The following ACADSB variants were observed in gnomAD, a reference collection of about 807,000 sequenced individuals.
ACADSB encodes the protein acyl-CoA dehydrogenase short/branched chain, also known as short/branched chain specific acyl-CoA dehydrogenase, mitochondrial.
Under a neutral mutation model 54.1 loss-of-function variants are expected in ACADSB, and 40 were observed. That is an observed-to-expected ratio of 0.74 (90% CI 0.57 to 0.96). The LOEUF (loss-of-function observed/expected upper bound fraction) is 0.96, where lower values mean the gene tolerates loss of function less well. Ranked by LOEUF, ACADSB falls within the 40% of genes least tolerant of loss-of-function variation. ACADSB has a pLI of 0.00. For missense variants in ACADSB, 530 were observed against 510.4 expected (o/e 1.04, Z -0.37); for synonymous variants, 182 against 182.8 (o/e 1.00, Z 0.03).
chr10:123,055,334 T>C lies in ACADSB; in HGVS notation c.*1569T>C, dbSNP rs529298981. 20 of 169,268 alleles carry C rather than the reference T, an allele frequency of 1.2e-4. No homozygotes were observed. The South Asian group carries it at 3.3e-3, about 28-fold the overall frequency. 10.5% of individuals were successfully genotyped at this position (169,268 alleles called of 1,614,324 possible). A position where few individuals can be genotyped will look rare whatever the true frequency, so the allele number is the denominator to read the frequency against. On this transcript the variant is annotated 3_prime_UTR_variant, in exon 11 of 11. Transcript: ENST00000358776. ...AAACCCCTAATAAACCTATCAGATCTTGTGAGACTTACTATCACGAGAATA... is the reference window on the plus strand; with the variant it reads ...AAACCCCTAATAAACCTATCAGATCCTGTGAGACTTACTATCACGAGAATA...
intron 6 of ACADSB, among the ~76,000 whole-genome samples, chr10:123,043,613 A>C (rs999950246): frequency 6.6e-6 from 1 of 152,172 alleles, no homozygotes; most frequent in Non-Finnish European, 1.5e-5. Context: ...CTGATGCTGG[A>C]GAACTCCCTG....
chr10:123,044,327 A>G (rs763424944), intron 6 of ACADSB, 66 bp from the exon 7 acceptor site: 124 of 1,399,504 alleles, frequency 8.9e-5, no homozygotes, highest in Non-Finnish European at 1.2e-4. Context: ...GTGTACTTAC[A>G]AATATATAAT....
chr10:123,044,301 C>A, intron 6 of ACADSB, 92 bp from the exon 7 acceptor site: 3 of 1,127,018 alleles, frequency 2.7e-6, no homozygotes, highest in African/African-American at 1.5e-5. Flanking sequence ...GGCTAGCACA[C>A]GAATTGAGAG....
At chr10:123,015,400 A>G (rs565061181) in intron 1 of ACADSB, among the ~76,000 whole-genome samples, 2 of 152,122 alleles carry the variant, frequency 1.3e-5, no homozygotes, top group South Asian at 4.2e-4. Context: ...GAAGGCCCAC[A>G]TTATCTTGAC....
chr10:123,052,998 A>G lies in ACADSB; in HGVS notation c.1129-63A>G, dbSNP rs1850652284. Reference sequence around the variant, plus strand: ...ATCCATGTTGCTGAAAATGTTACCCAGAAGTGTTTATCATGTATAAGTTAT... The same window carrying G: ...ATCCATGTTGCTGAAAATGTTACCCGGAAGTGTTTATCATGTATAAGTTAT... On this transcript the variant is annotated intron_variant, in intron 9 of 10. Coordinates refer to ENST00000358776, the MANE Select transcript of ACADSB (RefSeq NM_001609.4). The surrounding 1 kb of genome is among the most constrained non-coding windows in gnomAD (Gnocchi z 4.2). 8 of 1,304,684 alleles carry G rather than the reference A, an allele frequency of 6.1e-6. No homozygotes were observed. Among genetic ancestry groups the G allele is most frequent in the Non-Finnish European group, 6.7e-6 (6 of 899,256 alleles). 80.8% of individuals were successfully genotyped at this position (1,304,684 alleles called of 1,614,324 possible).
chr10:123,051,700 G>A (rs528400061), intron 9 of ACADSB, among the ~76,000 whole-genome samples: 1 of 152,282 alleles, frequency 6.6e-6, no homozygotes, highest in African/African-American at 2.4e-5. Context: ...ATTAGACTGA[G>A]GCTAGAGAAT....
At chr10:123,041,071 T>C (rs1404238093) in intron 4 of ACADSB, 138 bp from the exon 5 acceptor site, 1 of 963,672 alleles carries the variant, frequency 1.0e-6, no homozygotes, top group African/African-American at 1.7e-5. Flanking sequence ...CAGAATACCA[T>C]TGCTATTTTC....
Position 123,017,258 on chromosome 10 carries a change from A to G in ACADSB, c.42+8187A>G, listed in dbSNP as rs547610345. On this transcript the variant is annotated intron_variant, in intron 1 of 10. Coordinates refer to ENST00000358776, the MANE Select transcript of ACADSB (RefSeq NM_001609.4). Reference sequence around the variant, plus strand: ...TTTGTCCACTGGTAATTTGGGAAAGAGAAATTGTTGACTTGGCTAAGGTCA... The same window carrying G: ...TTTGTCCACTGGTAATTTGGGAAAGGGAAATTGTTGACTTGGCTAAGGTCA... Among the ~76,000 whole-genome samples, 30 of 152,342 alleles carry G rather than the reference A, an allele frequency of 2.0e-4. No individual in the cohort carries two copies. In the South Asian group the frequency reaches 5.6e-3, roughly 28 times the overall value.
intron 1 of ACADSB, chr10:123,027,507 T>G (rs761185193): frequency 1.3e-5 from 6 of 455,382 alleles, no homozygotes; most frequent in South Asian, 9.3e-5. Context: ...CCACTTTTGC[T>G]TCTTTCTCAT....
chr10:123,053,180 T>C lies in ACADSB; in HGVS notation c.1228+20T>C. The C allele has an allele frequency of 6.4e-7, 1 of 1,550,482 alleles. No homozygotes were observed. The highest frequency in any genetic ancestry group is 8.9e-7 in the Non-Finnish European group (1 of 1,126,268). ...AGATTGGTAAATAGATTTTTTTTTT[T>C]TACATTTTATTTTGTTTTATTTGCC... On this transcript the variant is annotated intron_variant, in intron 10 of 10. Transcript: ENST00000358776.
Position 123,009,013 on chromosome 10 carries a change from A to G in ACADSB, c.-17A>G. The stretch of plus-strand genomic sequence containing the variant: ...CTAGAGACCCAGAGGCGCAGAGCGG[A>G]GAGGCCTGCGGCGAGGATGGAGGGC... On this transcript the variant is annotated 5_prime_UTR_variant, in exon 1 of 11. Coordinates refer to ENST00000358776, the MANE Select transcript of ACADSB (RefSeq NM_001609.4). 6.5e-7 allele frequency: 1 copy of G among 1,547,768 alleles called. No individual in the cohort carries two copies. Among genetic ancestry groups the G allele is most frequent in the Non-Finnish European group, 8.7e-7 (1 of 1,146,810 alleles).
At chr10:123,050,193 G>A (rs1427618427) in intron 8 of ACADSB, among the ~76,000 whole-genome samples, 1 of 152,200 alleles carries the variant, frequency 6.6e-6, no homozygotes, top group Non-Finnish European at 1.5e-5. Flanking sequence ...TGGGATTCGT[G>A]TGTGATTGAC....
intron 6 of ACADSB, among the ~76,000 whole-genome samples, chr10:123,043,961 C>T (rs925482331): frequency 6.6e-6 from 1 of 152,132 alleles, no homozygotes; most frequent in Admixed American, 6.5e-5. Flanking sequence ...CACACATATA[C>T]CCCACCGTTG....
intron 1 of ACADSB, among the ~76,000 whole-genome samples, chr10:123,017,418 A>G (rs1285343824): frequency 6.6e-6 from 1 of 152,150 alleles, no homozygotes; most frequent in African/African-American, 2.4e-5. Flanking sequence ...CCCGGGTTCA[A>G]GTGATTCTCC....
At chr10:123,043,216 C>A (rs1371665320) in intron 6 of ACADSB, 45 bp downstream of exon 6, 1 of 1,609,492 alleles carries the variant, frequency 6.2e-7, no homozygotes, top group South Asian at 1.1e-5. Flanking sequence ...GCGAAATAAG[C>A]CTTGCATGGA....
At chr10:123,020,186 G>A (rs1341260043) in intron 1 of ACADSB, among the ~76,000 whole-genome samples, 1 of 152,128 alleles carries the variant, frequency 6.6e-6, no homozygotes, top group Non-Finnish European at 1.5e-5. Flanking sequence ...GGGAGAAAGG[G>A]CCTCTATAGG....
At chr10:123,020,303 T>G (rs914669340) in intron 1 of ACADSB, among the ~76,000 whole-genome samples, 45 of 151,484 alleles carry the variant, frequency 3.0e-4, no homozygotes, top group African/African-American at 1.0e-3. Flanking sequence ...AGGGGGAATT[T>G]CTAATAGCCT....
Position 123,034,351 on chromosome 10 carries a change from T to G in ACADSB, c.43-5T>G, listed in dbSNP as rs545902922. ...CTTTCTTTCATGTGTGTATGTTCCC[T>G]ACAGCTAAGAAGAAATTTCCTGACT... On this transcript the variant is annotated splice_region_variant and splice_polypyrimidine_tract_variant and intron_variant, in intron 1 of 10. Coordinates refer to ENST00000358776, the MANE Select transcript of ACADSB (RefSeq NM_001609.4). 6.2e-7 allele frequency: 1 copy of G among 1,613,460 alleles called. No homozygotes were observed. The highest frequency in any genetic ancestry group is 8.5e-7 in the Non-Finnish European group (1 of 1,179,794).
chr10:123,009,393 C>G (rs1295757161), intron 1 of ACADSB, among the ~76,000 whole-genome samples: 1 of 152,198 alleles, frequency 6.6e-6, no homozygotes, highest in African/African-American at 2.4e-5. Context: ...GTCTGGATCT[C>G]TGGATCTCTG....
Sources: allele counts gnomAD v4.1 joint callset (sites outside exome capture counted in the v4.1 genomes callset), GRCh38; gene constraint gnomAD v4.1.1; non-coding constraint Gnocchi (gnomAD v3.1); transcripts MANE v1.5; gene names NCBI Gene and HGNC (gene_info 2026-07-23, HGNC 2026-07-21).